AGBL4: variants seen among roughly 807,000 people sequenced by gnomAD.
AGBL4 encodes the protein cytosolic carboxypeptidase 6.
A neutral mutation model predicts 66.4 loss-of-function variants in AGBL4; 58 were observed. The observed-to-expected ratio is 0.87, with a 90% CI of 0.71 to 1.09. The LOEUF (loss-of-function observed/expected upper bound fraction) is 1.09, where lower values mean the gene tolerates loss of function less well. Ranked by LOEUF, AGBL4 falls within the 50% of genes least tolerant of loss-of-function variation. The probability of loss-of-function intolerance (pLI) is 0.00; values close to 1 mark genes in which losing one functional copy is unlikely to be tolerated. For missense variants in AGBL4, 579 were observed against 631.0 expected (o/e 0.92, Z 0.88); for synonymous variants, 234 against 222.9 (o/e 1.05, Z -0.44).
At chr1:49,134,890 AT>A (rs1218068966) in intron 4 of AGBL4, among the ~76,000 whole-genome samples, 3 of 152,204 alleles carry the variant, frequency 2.0e-5, no homozygotes, top group Admixed American at 2.0e-4. Flanking sequence ...TTCACAATTT[AT>A]GTTCTTCTGT....
At chr1:48,846,971 G>C (rs906010412) in intron 6 of AGBL4, among the ~76,000 whole-genome samples, 2 of 152,044 alleles carry the variant, frequency 1.3e-5, no homozygotes, top group African/African-American at 4.8e-5. Flanking sequence ...CACATGTCAA[G>C]TTACCCAGTT....
In AGBL4 at chr1:48,841,399, A is replaced by AC. The variant is rs1558032634; in HGVS notation, c.634+25791_634+25792insG. Among the ~76,000 whole-genome samples the AC allele has an allele frequency of 4.1e-3, 287 of 70,266 alleles. 4 individuals are homozygous for AC. The highest frequency in any genetic ancestry group is 0.012 in the African/African-American group (248 of 20,170). The allele number at this position is 70,266 out of a possible 152,430, so 46.1% of individuals were successfully genotyped here. On this transcript the variant is annotated intron_variant, in intron 6 of 13. Transcript: ENST00000371839. Reference sequence around the variant, plus strand: ...TTATTCAAACTATCTCTTACTACAAAACCCCCCCCCCCCAAAAAAAAAGAA... The same window carrying AC: ...TTATTCAAACTATCTCTTACTACAAACACCCCCCCCCCCCAAAAAAAAAGAA...
At chr1:49,172,045 C>T (rs1417348789) in intron 4 of AGBL4, among the ~76,000 whole-genome samples, 1 of 152,112 alleles carries the variant, frequency 6.6e-6, no homozygotes, top group Non-Finnish European at 1.5e-5. Context: ...AGAGACAGAC[C>T]ATAATCTTAG....
At chr1:49,906,076 G>C (rs537013354) in intron 1 of AGBL4, among the ~76,000 whole-genome samples, 3 of 151,130 alleles carry the variant, frequency 2.0e-5, no homozygotes, top group Non-Finnish European at 4.4e-5. Flanking sequence ...TTCAAATCTT[G>C]ACAGGATTTA....
chr1:48,968,642 C>T (rs1471873811), intron 5 of AGBL4, among the ~76,000 whole-genome samples: 3 of 152,098 alleles, frequency 2.0e-5, no homozygotes, highest in African/African-American at 4.8e-5. Flanking sequence ...GAAGCTGAGT[C>T]CTAGAGGGGA....
At chr1:49,637,796 T>C (rs1645706924) in intron 3 of AGBL4, among the ~76,000 whole-genome samples, 1 of 151,928 alleles carries the variant, frequency 6.6e-6, no homozygotes. Context: ...CATAAAAGCT[T>C]GAGGAACCAA....
intron 4 of AGBL4, among the ~76,000 whole-genome samples, chr1:49,078,496 G>T (rs1181903933): frequency 6.6e-6 from 1 of 152,006 alleles, no homozygotes; most frequent in Non-Finnish European, 1.5e-5. Flanking sequence ...GTCATCCTTG[G>T]ATCTTCTCTT....
intron 3 of AGBL4, among the ~76,000 whole-genome samples, chr1:49,565,798 G>A (rs1156540958): frequency 6.6e-6 from 1 of 152,096 alleles, no homozygotes; most frequent in Non-Finnish European, 1.5e-5. Flanking sequence ...CTCTTCTTGA[G>A]GAGTATCTTT....
chr1:49,903,156 C>T (rs1250078864), intron 1 of AGBL4, among the ~76,000 whole-genome samples: 1 of 152,118 alleles, frequency 6.6e-6, no homozygotes, highest in Admixed American at 6.6e-5. Context: ...GGGAATACTA[C>T]CTAGCCATAA....
chr1:49,225,269 T>C (rs1570128068), intron 4 of AGBL4, among the ~76,000 whole-genome samples: 1 of 152,342 alleles, frequency 6.6e-6, no homozygotes, highest in African/African-American at 2.4e-5. Context: ...ATCAGAGACC[T>C]TATGTATATC....
chr1:49,309,611 CGTGT>C (rs139245607), intron 3 of AGBL4, among the ~76,000 whole-genome samples: 2 of 148,836 alleles, frequency 1.3e-5, no homozygotes, highest in East Asian at 2.0e-4. Context: ...ATTATAACAT[CGTGT>C]GTGTGTGTGT....
rs887759377 is a variant in AGBL4 at position 48,991,253 on chromosome 1, A to AT, written c.594+54330dup. Reference sequence around the variant, plus strand: ...GCTGAATGTACTACTATAGTGTACAATTTTTTTGTTTTTTTTGTGTGTTTT... The same window carrying AT: ...GCTGAATGTACTACTATAGTGTACAATTTTTTTTGTTTTTTTTGTGTGTTTT... On this transcript the variant is annotated intron_variant, in intron 5 of 13. Transcript: ENST00000371839. Among the ~76,000 whole-genome samples, 5 of 152,156 alleles carry AT rather than the reference A, an allele frequency of 3.3e-5. No homozygotes were observed. The South Asian group carries it at 6.2e-4, about 19-fold the overall frequency.
intron 5 of AGBL4, among the ~76,000 whole-genome samples, chr1:48,974,855 C>G (rs1241450856): frequency 6.6e-6 from 1 of 152,096 alleles, no homozygotes; most frequent in Non-Finnish European, 1.5e-5. Context: ...TCAAAGACCA[C>G]AGGAAACAGA....
intron 5 of AGBL4, among the ~76,000 whole-genome samples, chr1:48,966,358 C>G (rs1658416525): frequency 6.6e-6 from 1 of 152,074 alleles, no homozygotes; most frequent in Non-Finnish European, 1.5e-5. Context: ...TAAGGGGAGC[C>G]TTATGTAGTT....
chr1:49,759,989 C>T (rs1480940457), intron 2 of AGBL4, among the ~76,000 whole-genome samples: 1 of 152,050 alleles, frequency 6.6e-6, no homozygotes, highest in African/African-American at 2.4e-5. Flanking sequence ...TTAATGAGTA[C>T]AGGAGTTTTA....
At chr1:48,876,994 C>CT (rs1205134407) in intron 5 of AGBL4, among the ~76,000 whole-genome samples, 3 of 152,134 alleles carry the variant, frequency 2.0e-5, no homozygotes, top group African/African-American at 7.2e-5. Context: ...TCACACACTG[C>CT]TGGGATGTCA....
Position 49,120,004 on chromosome 1 carries a change from C to T in AGBL4, c.378-74204G>A, listed in dbSNP as rs918958479. Among the ~76,000 whole-genome samples the T allele has an allele frequency of 2.0e-5, 3 of 152,080 alleles. No individual in the cohort carries two copies. In the South Asian group the frequency reaches 6.2e-4, roughly 32 times the overall value. ...TTATCAGAGACTAGGATTGCAACAC[C>T]TGCTTTTTTTTGCTTTCCATTTGCT... is the stretch of plus-strand genomic sequence containing the variant. On this transcript the variant is annotated intron_variant, in intron 4 of 13. Transcript: ENST00000371839.
intron 3 of AGBL4, among the ~76,000 whole-genome samples, chr1:49,499,167 T>G (rs1321161251): frequency 6.6e-6 from 1 of 152,008 alleles, no homozygotes; most frequent in Non-Finnish European, 1.5e-5. Context: ...GAATCAGCAA[T>G]AAGACCATCA....
intron 5 of AGBL4, among the ~76,000 whole-genome samples, chr1:48,869,139 C>T (rs1648398058): frequency 6.6e-6 from 1 of 152,214 alleles, no homozygotes; most frequent in Non-Finnish European, 1.5e-5. Flanking sequence ...CCTCCAGTGC[C>T]TTCTCAAACA....
Sources: allele counts gnomAD v4.1 joint callset (sites outside exome capture counted in the v4.1 genomes callset), GRCh38; gene constraint gnomAD v4.1.1; transcripts MANE v1.5; gene names NCBI Gene and HGNC (gene_info 2026-07-23, HGNC 2026-07-21).